The following RPGRIP1L variants were observed in gnomAD, a reference collection of about 807,000 sequenced individuals.
RPGRIP1L encodes the protein protein fantom.
RPGRIP1L carries 131 observed loss-of-function variants against 160.4 expected under a neutral mutation model. The observed-to-expected ratio is 0.82, with a 90% CI of 0.71 to 0.94. The LOEUF (loss-of-function observed/expected upper bound fraction) is 0.94. Ranked by LOEUF, RPGRIP1L falls within the 40% of genes least tolerant of loss-of-function variation. RPGRIP1L has a pLI of 0.00. For synonymous variants in RPGRIP1L, 510 were observed against 515.8 expected, an observed-to-expected ratio of 0.99 and a Z score of 0.15; for missense variants, 1,522 against 1,535.8, an observed-to-expected ratio of 0.99 and a Z score of 0.15.
At chr16:53,656,225 C>T (rs533616130) in intron 14 of RPGRIP1L, among the ~76,000 whole-genome samples, 82 of 152,030 alleles carry the variant, frequency 5.4e-4, no homozygotes, top group African/African-American at 1.9e-3. Flanking sequence ...TTTGAGAGGC[C>T]GAGGCGGGAG....
chr16:53,665,163 G>A (rs1006531172), intron 9 of RPGRIP1L, among the ~76,000 whole-genome samples, 154 bp from the exon 10 acceptor site: 3 of 152,108 alleles, frequency 2.0e-5, no homozygotes, highest in Admixed American at 6.6e-5. Flanking sequence ...AAACCAAGGC[G>A]CCTTTCTCAG....
intron 10 of RPGRIP1L, among the ~76,000 whole-genome samples, chr16:53,661,017 C>T (rs1046753353): frequency 2.0e-5 from 3 of 151,610 alleles, no homozygotes; most frequent in East Asian, 1.9e-4. Flanking sequence ...ATATCCAGGC[C>T]GGGCACGATG....
chr16:53,645,474 A>G, intron 17 of RPGRIP1L, 151 bp downstream of exon 17: 1 of 589,098 alleles, frequency 1.7e-6, no homozygotes, highest in South Asian at 3.1e-5. Flanking sequence ...ACTAGTAAGA[A>G]AATAATTTTT....
At chr16:53,650,188 C>G (rs1173362140) in intron 15 of RPGRIP1L, among the ~76,000 whole-genome samples, 2 of 152,104 alleles carry the variant, frequency 1.3e-5, no homozygotes, top group African/African-American at 4.8e-5. Context: ...GAGGGATCCA[C>G]CCTCATGAGT....
intron 21 of RPGRIP1L, among the ~76,000 whole-genome samples, chr16:53,636,963 C>T (rs980836350): frequency 6.6e-6 from 1 of 151,272 alleles, no homozygotes; most frequent in Admixed American, 6.6e-5. Context: ...CACACACACA[C>T]ACACACACAC....
At chr16:53,658,743 T>A (rs1167541794) in intron 11 of RPGRIP1L, 29 bp downstream of exon 11, 1 of 1,455,032 alleles carries the variant, frequency 6.9e-7, no homozygotes, top group Non-Finnish European at 9.5e-7. Context: ...AATTCTGAGT[T>A]TTATTTCTTA....
At chr16:53,618,994 A>G in intron 24 of RPGRIP1L, 31 bp downstream of exon 24, 8 of 1,529,558 alleles carry the variant, frequency 5.2e-6, no homozygotes, top group South Asian at 1.1e-5. Flanking sequence ...GACAAACATA[A>G]AAGTCTATAT....
chr16:53,626,504 T>C (rs897546170), intron 22 of RPGRIP1L, among the ~76,000 whole-genome samples: 2 of 152,126 alleles, frequency 1.3e-5, no homozygotes, highest in African/African-American at 2.4e-5. Flanking sequence ...AAAAAGAACA[T>C]TTATAAATTT....
At chr16:53,688,029 G>T in intron 4 of RPGRIP1L, 64 bp from the exon 5 acceptor site, 1 of 960,012 alleles carries the variant, frequency 1.0e-6, no homozygotes, top group Non-Finnish European at 1.7e-6. Context: ...TCTTTGATTT[G>T]CTATAATAAG....
At chr16:53,698,829 G>A (rs1337891158) in intron 2 of RPGRIP1L, among the ~76,000 whole-genome samples, 1 of 148,554 alleles carries the variant, frequency 6.7e-6, no homozygotes, top group African/African-American at 2.5e-5. Context: ...CCTCTGCCCG[G>A]CCGCCCCTAC....
At chr16:53,695,361 A>G in intron 3 of RPGRIP1L, 1 of 703,022 alleles carries the variant, frequency 1.4e-6, no homozygotes, top group Non-Finnish European at 2.6e-6. Context: ...TGAAGTCCAC[A>G]GAGTAGAAAC....
intron 24 of RPGRIP1L, among the ~76,000 whole-genome samples, chr16:53,614,114 T>C (rs1489911714): frequency 6.6e-6 from 1 of 152,214 alleles, no homozygotes; most frequent in Non-Finnish European, 1.5e-5. Context: ...TTTTCTTTTG[T>C]TTCATAAAGG....
intron 3 of RPGRIP1L, chr16:53,695,541 T>G (rs549169053): frequency 6.3e-6 from 4 of 639,760 alleles, no homozygotes; most frequent in Non-Finnish European, 8.4e-6. Context: ...CCTCAGAAAA[T>G]AGGCACAGCA....
chr16:53,676,657 G>A (rs1045625546), intron 6 of RPGRIP1L, among the ~76,000 whole-genome samples: 18 of 150,614 alleles, frequency 1.2e-4, no homozygotes, highest in African/African-American at 4.2e-4. Context: ...TTTTTGAGAC[G>A]GAGACTTGCT....
In RPGRIP1L at chr16:53,677,719, A is replaced by T. The variant is rs527718061; in HGVS notation, c.777-2597T>A. Among the ~76,000 whole-genome samples, 337 of 152,296 alleles carry T rather than the reference A, an allele frequency of 2.2e-3. 1 individual carries two copies. Among genetic ancestry groups the T allele is most frequent in the African/African-American group, 7.4e-3 (309 of 41,568 alleles). Reference sequence around the variant, plus strand: ...GAGAAGGATGTTGTAGGCAACACGGAGCTAGGGTGTTTAGCTAAGTGACCA... The same window carrying T: ...GAGAAGGATGTTGTAGGCAACACGGTGCTAGGGTGTTTAGCTAAGTGACCA... On this transcript the variant is annotated intron_variant, in intron 6 of 26. Transcript: ENST00000647211.
chr16:53,682,546 C>T (rs1969687143), intron 6 of RPGRIP1L, among the ~76,000 whole-genome samples: 1 of 151,934 alleles, frequency 6.6e-6, no homozygotes, highest in African/African-American at 2.4e-5. Flanking sequence ...AAGGGAATGG[C>T]CAATACAGTG....
Position 53,632,893 on chromosome 16 carries a change from C to G in RPGRIP1L, c.3294+3546G>C, listed in dbSNP as rs573750975. ...CCTCATGCTGACTTAGGGACCCCTT[C>G]TGAATGCTCCCATAGCACCCCATGC... On this transcript the variant is annotated intron_variant, in intron 22 of 26. Coordinates refer to ENST00000647211, the MANE Select transcript of RPGRIP1L (RefSeq NM_015272.5). Among the ~76,000 whole-genome samples the G allele has an allele frequency of 2.8e-4, 43 of 152,310 alleles. 1 individual carries two copies. In the South Asian group the frequency reaches 8.9e-3, roughly 32 times the overall value.
At chr16:53,650,025 C>T (rs1966838665) in intron 15 of RPGRIP1L, among the ~76,000 whole-genome samples, 1 of 152,102 alleles carries the variant, frequency 6.6e-6, no homozygotes, top group Non-Finnish European at 1.5e-5. Flanking sequence ...CAATTTTTTC[C>T]CTGCTAATGG....
At chr16:53,696,431 A>G in intron 2 of RPGRIP1L, 136 bp from the exon 3 acceptor site, 4 of 827,438 alleles carry the variant, frequency 4.8e-6, no homozygotes, top group Non-Finnish European at 8.0e-6. Context: ...GCTTTAGAAA[A>G]TGTTGTACCA....
Sources: allele counts gnomAD v4.1 joint callset (sites outside exome capture counted in the v4.1 genomes callset), GRCh38; gene constraint gnomAD v4.1.1; transcripts MANE v1.5; gene names NCBI Gene and HGNC (gene_info 2026-07-23, HGNC 2026-07-21).